Variants in PPP1R12A observed in about 807,000 individuals in gnomAD.
PPP1R12A encodes the protein myosin binding subunit.
A neutral mutation model predicts 139.6 loss-of-function variants in PPP1R12A; 19 were observed. The ratio of observed to expected loss-of-function variants is 0.14; its 90% confidence interval spans 0.09 to 0.20. The LOEUF (loss-of-function observed/expected upper bound fraction) is 0.20, where lower values mean the gene tolerates loss of function less well. PPP1R12A is among the 10% of genes least tolerant of loss of function. PPP1R12A has a pLI of 1.00. For synonymous variants in PPP1R12A, 427 were observed against 420.6 expected (o/e 1.02, Z -0.19); for missense variants, 925 against 1,211.5 (o/e 0.76, Z 3.51).
rs749528801 is a variant in PPP1R12A at position 79,822,155 on chromosome 12, A to G, written c.828T>C (p.Ile276=). The part of the protein sequence containing the change: ...QTAFDVADED[I]LGYLEELQKK... ...TTTGCAACTCTTCTAAATATCCTAA[A>G]ATGTCTTCATCTGCTACATCAAAGG... Residue 276 remains isoleucine (I), a synonymous_variant, in exon 6 of 25, where the codon ATT becomes ATC. Coordinates refer to ENST00000450142, the MANE Select transcript of PPP1R12A (RefSeq NM_002480.3). 1.3e-6 allele frequency: 2 copies of G among 1,590,632 alleles called. No homozygotes were observed.
rs1411319901 is a variant in PPP1R12A at position 79,934,676 on chromosome 12, G to A, written c.237+19C>T. ...GAGAACCCTCACGGTCAGGAGAGCC[G>A]GCGGCGGGGCGCACAGACCTGGTGC... On this transcript the variant is annotated intron_variant, in intron 1 of 24. Transcript: ENST00000450142. 6 of 1,507,648 alleles carry A rather than the reference G, an allele frequency of 4.0e-6. No individual in the cohort carries two copies. The highest frequency in any genetic ancestry group is 5.4e-6 in the Non-Finnish European group (6 of 1,121,050). 93.4% of individuals were successfully genotyped at this position (1,507,648 alleles called of 1,614,324 possible). A position where few individuals can be genotyped will look rare whatever the true frequency, so the allele number is the denominator to read the frequency against.
At chr12:79,923,068 A>T (rs1368297140) in intron 1 of PPP1R12A, among the ~76,000 whole-genome samples, 1 of 152,118 alleles carries the variant, frequency 6.6e-6, no homozygotes, top group Non-Finnish European at 1.5e-5. Context: ...TGAGGTCAGG[A>T]GTTCAAGACC....
At chr12:79,900,156 A>G (rs1367864369) in intron 1 of PPP1R12A, among the ~76,000 whole-genome samples, 1 of 152,206 alleles carries the variant, frequency 6.6e-6, no homozygotes, top group African/African-American at 2.4e-5. Context: ...TCCTGTTTGG[A>G]TAAGCCAGGG....
chr12:79,841,306 C>G (rs1457579947), intron 3 of PPP1R12A, among the ~76,000 whole-genome samples: 5 of 152,168 alleles, frequency 3.3e-5, no homozygotes, highest in Non-Finnish European at 7.3e-5. Context: ...AGCCAACTCC[C>G]TCTAAATGTC....
chr12:79,866,337 C>T (rs537902958), intron 2 of PPP1R12A, among the ~76,000 whole-genome samples: 1 of 152,286 alleles, frequency 6.6e-6, no homozygotes, highest in South Asian at 2.1e-4. Flanking sequence ...GGATCAAAGA[C>T]TTAAACGTAA....
chr12:79,892,057 G>T (rs1259335248), intron 1 of PPP1R12A, among the ~76,000 whole-genome samples: 1 of 152,184 alleles, frequency 6.6e-6, no homozygotes, highest in Non-Finnish European at 1.5e-5. Context: ...ACTATGCAGT[G>T]ATAACTAATG....
chr12:79,830,528 T>C (rs1004795308), intron 4 of PPP1R12A, among the ~76,000 whole-genome samples: 2 of 152,188 alleles, frequency 1.3e-5, no homozygotes, highest in African/African-American at 2.4e-5. Flanking sequence ...ATCAGGGAAC[T>C]AAAGAATAAC....
intron 2 of PPP1R12A, among the ~76,000 whole-genome samples, chr12:79,849,433 TAAAC>T (rs1184599020): frequency 1.3e-5 from 2 of 152,036 alleles, no homozygotes; most frequent in African/African-American, 4.8e-5. Context: ...AAGATAATGT[TAAAC>T]AAACTACAGG....
At chr12:79,834,588 A>G (rs557964315) in intron 3 of PPP1R12A, among the ~76,000 whole-genome samples, 2 of 152,332 alleles carry the variant, frequency 1.3e-5, no homozygotes, top group East Asian at 3.9e-4. Flanking sequence ...AGAGGTCGAG[A>G]ATCAATCAGA....
At chr12:79,903,747 T>C (rs563567483) in intron 1 of PPP1R12A, among the ~76,000 whole-genome samples, 3 of 152,310 alleles carry the variant, frequency 2.0e-5, no homozygotes, top group South Asian at 2.1e-4. Flanking sequence ...TTTTGCTTAT[T>C]ACAATTAATT....
chr12:79,801,003 G>T (rs1310340731), intron 14 of PPP1R12A, among the ~76,000 whole-genome samples: 2 of 151,362 alleles, frequency 1.3e-5, no homozygotes, highest in East Asian at 4.0e-4. Flanking sequence ...AAAGTGCTGG[G>T]ATTACAGGCA....
chr12:79,873,698 A>G (rs1882810147), intron 1 of PPP1R12A, among the ~76,000 whole-genome samples: 1 of 151,978 alleles, frequency 6.6e-6, no homozygotes, highest in African/African-American at 2.4e-5. Context: ...AGCAATTTTC[A>G]CTCATATATG....
intron 2 of PPP1R12A, among the ~76,000 whole-genome samples, chr12:79,863,644 CAAAAAAAAAAAAAAAA>C (rs61530316): frequency 9.0e-5 from 5 of 55,334 alleles, no homozygotes; most frequent in South Asian, 1.1e-3. Context: ...AAATTGAAAG[CAAAAAAAAAAAAAAAA>C]AAAAAAAAAA....
At chr12:79,888,905 AT>A (rs1884347942) in intron 1 of PPP1R12A, among the ~76,000 whole-genome samples, 1 of 152,226 alleles carries the variant, frequency 6.6e-6, no homozygotes, top group Non-Finnish European at 1.5e-5. Flanking sequence ...ATTTGGTTCT[AT>A]CTATCAAAAT....
intron 2 of PPP1R12A, among the ~76,000 whole-genome samples, chr12:79,871,664 G>A (rs12297992): frequency 2.7e-4 from 41 of 152,154 alleles, no homozygotes; most frequent in African/African-American, 9.6e-4. Context: ...TAATCATTAA[G>A]TGTAGTTAAA....
chr12:79,786,499 G>C, intron 21 of PPP1R12A, 21 bp from the exon 22 acceptor site: 1 of 1,442,286 alleles, frequency 6.9e-7, no homozygotes, highest in Non-Finnish European at 9.3e-7. Flanking sequence ...TAGGGTAAAA[G>C]AACAAATTAC....
chr12:79,829,258 G>A (rs1252325180), intron 4 of PPP1R12A, among the ~76,000 whole-genome samples: 3 of 152,018 alleles, frequency 2.0e-5, no homozygotes, highest in Non-Finnish European at 2.9e-5. Context: ...ACAGGTGAAC[G>A]AACACTAAAT....
chr12:79,823,407 A>G (rs1876375585), intron 5 of PPP1R12A, among the ~76,000 whole-genome samples: 1 of 152,196 alleles, frequency 6.6e-6, no homozygotes, highest in South Asian at 2.1e-4. Context: ...CTAAAATCAC[A>G]TTAATTTTTC....
intron 2 of PPP1R12A, among the ~76,000 whole-genome samples, chr12:79,861,569 G>T (rs192227521): frequency 6.6e-6 from 1 of 152,172 alleles, no homozygotes; most frequent in Non-Finnish European, 1.5e-5. Flanking sequence ...AAGGGAAGCC[G>T]TGAGTGACCG....
Sources: gnomAD v4.1 joint callset for allele counts (sites outside exome capture counted in the v4.1 genomes callset) on GRCh38, gnomAD v4.1.1 for gene constraint, MANE v1.5 for transcripts, NCBI Gene and HGNC (gene_info 2026-07-23, HGNC 2026-07-21) for gene names.